Variants in ADGRL4 observed in about 807,000 individuals in gnomAD.
ADGRL4 encodes the protein adhesion G protein-coupled receptor L4.
Under a neutral mutation model 74.8 loss-of-function variants are expected in ADGRL4, and 90 were observed. The ratio of observed to expected loss-of-function variants is 1.20; its 90% CI spans 1.02 to 1.43. The LOEUF is 1.43. ADGRL4 is among the 40% of genes most tolerant of loss of function. ADGRL4 has a pLI of 0.00. For missense variants in ADGRL4, 881 were observed against 814.3 expected, an observed-to-expected ratio of 1.08 and a Z score of -1.00; for synonymous variants, 311 against 279.2, an observed-to-expected ratio of 1.11 and a Z score of -1.14.
chr1:78,895,715 G>A (rs1648382959), intron 12 of ADGRL4, among the ~76,000 whole-genome samples: 1 of 152,106 alleles, frequency 6.6e-6, no homozygotes, highest in South Asian at 2.1e-4. Context: ...CTGGAGTATA[G>A]TAAGCAAAGC....
chr1:78,940,015 A>G (rs561919511), intron 3 of ADGRL4, among the ~76,000 whole-genome samples: 2 of 152,270 alleles, frequency 1.3e-5, no homozygotes, highest in East Asian at 3.9e-4. Context: ...AATATTATTC[A>G]TGGGCCAAAT....
At chr1:78,942,315 C>T (rs1342483737) in intron 3 of ADGRL4, among the ~76,000 whole-genome samples, 1 of 151,728 alleles carries the variant, frequency 6.6e-6, no homozygotes, top group Non-Finnish European at 1.5e-5. Flanking sequence ...AAAATCAGGA[C>T]TGGTGATTCT....
intron 13 of ADGRL4, among the ~76,000 whole-genome samples, chr1:78,892,800 T>C (rs1302190585): frequency 6.6e-6 from 1 of 151,978 alleles, no homozygotes. Flanking sequence ...AGTTACTAAG[T>C]TCTGAAAAGC....
chr1:78,924,052 G>T (rs1027744129), intron 8 of ADGRL4, among the ~76,000 whole-genome samples: 2 of 151,852 alleles, frequency 1.3e-5, no homozygotes, highest in African/African-American at 4.8e-5. Flanking sequence ...TGAGAATAAA[G>T]ATCCCAAAAC....
intron 2 of ADGRL4, among the ~76,000 whole-genome samples, chr1:78,999,433 C>T (rs1460369252): frequency 6.6e-6 from 1 of 152,228 alleles, no homozygotes; most frequent in Admixed American, 6.5e-5. Flanking sequence ...ATTAGCCCGG[C>T]GTCGTGGCAG....
chr1:78,893,323 CACTGAAAATT>C, intron 12 of ADGRL4, 134 bp from the exon 13 acceptor site: 1 of 637,068 alleles, frequency 1.6e-6, no homozygotes, highest in Middle Eastern at 4.1e-4. Context: ...TTTACAATAT[CACTGAAAATT>C]ATCAGTACAA....
At chr1:78,984,855 T>G (rs903921519) in intron 2 of ADGRL4, among the ~76,000 whole-genome samples, 1 of 151,662 alleles carries the variant, frequency 6.6e-6, no homozygotes, top group Non-Finnish European at 1.5e-5. Flanking sequence ...GTGGGACTCA[T>G]GGTAGAACAG....
At chr1:78,946,519 T>C in intron 2 of ADGRL4, 93 bp from the exon 3 acceptor site, 11 of 1,033,052 alleles carry the variant, frequency 1.1e-5, no homozygotes, top group South Asian at 3.4e-5. Context: ...GACTGTTAGA[T>C]AGTTTAAGGT....
intron 2 of ADGRL4, among the ~76,000 whole-genome samples, chr1:79,002,040 C>G (rs1159329940): frequency 1.3e-5 from 2 of 151,964 alleles, no homozygotes; most frequent in Non-Finnish European, 2.9e-5. Context: ...TTAGATTTAT[C>G]TTTGTTACTT....
At chr1:78,920,520 G>T (rs1648975601) in intron 9 of ADGRL4, 134 bp from the exon 10 acceptor site, 3 of 620,668 alleles carry the variant, frequency 4.8e-6, no homozygotes, top group Non-Finnish European at 8.0e-6. Context: ...ATATAAATGT[G>T]CATTTAGATG....
chr1:78,984,404 A>C (rs1650454525), intron 2 of ADGRL4, among the ~76,000 whole-genome samples: 1 of 151,786 alleles, frequency 6.6e-6, no homozygotes, highest in South Asian at 2.1e-4. Context: ...AGAGATGGAA[A>C]AAGTAAATGT....
intron 12 of ADGRL4, among the ~76,000 whole-genome samples, chr1:78,894,957 C>T (rs1648363363): frequency 6.6e-6 from 1 of 151,930 alleles, no homozygotes; most frequent in South Asian, 2.1e-4. Flanking sequence ...AGTTCACATT[C>T]ATTTTGGATA....
chr1:78,963,531 A>C (rs1649995769), intron 2 of ADGRL4, among the ~76,000 whole-genome samples: 1 of 152,192 alleles, frequency 6.6e-6, no homozygotes. Context: ...TTTGAAGTCT[A>C]ATTTGGGACC....
intron 2 of ADGRL4, among the ~76,000 whole-genome samples, chr1:79,001,437 AG>A (rs2100743321): frequency 6.6e-6 from 1 of 152,290 alleles, no homozygotes; most frequent in Non-Finnish European, 1.5e-5. Context: ...AAAGAAAGAA[AG>A]AAAGAAAGAA....
At chr1:78,959,465 G>T (rs188695967) in intron 2 of ADGRL4, among the ~76,000 whole-genome samples, 49 of 152,180 alleles carry the variant, frequency 3.2e-4, no homozygotes, top group African/African-American at 1.2e-3. Flanking sequence ...TTTTTAAACC[G>T]GACTCAGTCA....
At chr1:78,951,610 AAC>A (rs943377260) in intron 2 of ADGRL4, among the ~76,000 whole-genome samples, 4 of 152,216 alleles carry the variant, frequency 2.6e-5, no homozygotes, top group Non-Finnish European at 4.4e-5. Context: ...TTTCAGGGAA[AAC>A]ACATATTTCA....
intron 3 of ADGRL4, among the ~76,000 whole-genome samples, chr1:78,941,211 CAAGGAA>C (rs1360594615): frequency 6.6e-6 from 1 of 152,150 alleles, no homozygotes; most frequent in Non-Finnish European, 1.5e-5. Flanking sequence ...GGAGAACCAT[CAAGGAA>C]AGCATTCTAG....
intron 12 of ADGRL4, among the ~76,000 whole-genome samples, chr1:78,905,865 AT>A (rs1317627011): frequency 6.6e-6 from 1 of 152,036 alleles, no homozygotes; most frequent in Non-Finnish European, 1.5e-5. Context: ...GAAAAATTAC[AT>A]TTTTATTTTG....
At chr1:78,969,471 G>T (rs1259812423) in intron 2 of ADGRL4, among the ~76,000 whole-genome samples, 1 of 152,096 alleles carries the variant, frequency 6.6e-6, no homozygotes, top group African/African-American at 2.4e-5. Flanking sequence ...AGTTTATCTT[G>T]GGACCTTAAG....
Sources: gnomAD v4.1 joint callset for allele counts (sites outside exome capture counted in the v4.1 genomes callset) on GRCh38, gnomAD v4.1.1 for gene constraint, MANE v1.5 for transcripts, NCBI Gene and HGNC (gene_info 2026-07-23, HGNC 2026-07-21) for gene names.